The following SESTD1 variants were observed in gnomAD, a reference collection of about 807,000 sequenced individuals.
SESTD1 encodes SEC14 and spectrin domain containing 1.
SESTD1 carries 43 observed loss-of-function variants against 101.7 expected under a neutral mutation model. The ratio of observed to expected loss-of-function variants is 0.42; its 90% CI spans 0.33 to 0.55. SESTD1 has a LOEUF of 0.55. SESTD1 is among the 20% of genes least tolerant of loss of function. The pLI, the probability that SESTD1 is intolerant of heterozygous loss-of-function variation, is 0.07. For synonymous variants in SESTD1, 283 were observed against 286.8 expected (o/e 0.99, Z 0.13); for missense variants, 647 against 815.1 (o/e 0.79, Z 2.51).
intron 2 of SESTD1, among the ~76,000 whole-genome samples, chr2:179,185,454 GTAT>G: frequency 7.1e-6 from 1 of 140,274 alleles, no homozygotes; most frequent in African/African-American, 2.6e-5. Flanking sequence ...GTAATATATA[GTAT>G]ATGATATACT....
intron 9 of SESTD1, among the ~76,000 whole-genome samples, chr2:179,139,224 A>T (rs1414420948): frequency 1.3e-5 from 2 of 152,110 alleles, no homozygotes; most frequent in African/African-American, 4.8e-5. Context: ...CCTCCACTCT[A>T]TTCAAACCAC....
chr2:179,149,093 G>T (rs1007700932), intron 7 of SESTD1, among the ~76,000 whole-genome samples: 1 of 126,738 alleles, frequency 7.9e-6, no homozygotes, highest in African/African-American at 2.8e-5. Flanking sequence ...AAAAAAAAAG[G>T]CTTTTGTGAA....
At chr2:179,226,205 T>A (rs1036635829) in intron 1 of SESTD1, among the ~76,000 whole-genome samples, 4 of 152,200 alleles carry the variant, frequency 2.6e-5, no homozygotes, top group African/African-American at 9.6e-5. Context: ...CTACACATAC[T>A]CTTAAAATAT....
In SESTD1 at chr2:179,206,695, G is replaced by A. The variant is rs533671949; in HGVS notation, c.-25-14829C>T. Reference sequence around the variant, plus strand: ...AATCCAGGGAGTAGGGGGCAAATGGGAAGTGCAGATACAAGCACAGAAGCC... The same window carrying A: ...AATCCAGGGAGTAGGGGGCAAATGGAAAGTGCAGATACAAGCACAGAAGCC... On this transcript the variant is annotated intron_variant, in intron 1 of 17. Coordinates refer to ENST00000428443, the MANE Select transcript of SESTD1 (RefSeq NM_178123.5). Among the ~76,000 whole-genome samples, 2 of 135,324 alleles carry A rather than the reference G, an allele frequency of 1.5e-5. 1 individual carries two copies. Among genetic ancestry groups the A allele is most frequent in the African/African-American group, 5.8e-5 (2 of 34,326 alleles). The allele number at this position is 135,324 out of a possible 152,430, so 88.8% of individuals were successfully genotyped here. A position where few individuals can be genotyped will look rare whatever the true frequency, so the allele number is the denominator to read the frequency against.
intron 10 of SESTD1, among the ~76,000 whole-genome samples, chr2:179,130,509 T>C (rs191866873): frequency 2.0e-3 from 305 of 152,226 alleles, no homozygotes; most frequent in Admixed American, 4.7e-3. Context: ...ATCTGCAATT[T>C]CATCCATACT....
chr2:179,135,805 C>G (rs1284534253), intron 9 of SESTD1, among the ~76,000 whole-genome samples: 2 of 152,110 alleles, frequency 1.3e-5, no homozygotes, highest in Admixed American at 6.5e-5. Flanking sequence ...ACAAAAAAGT[C>G]AAAGTATTAT....
intron 1 of SESTD1, among the ~76,000 whole-genome samples, chr2:179,223,771 G>T (rs915362180): frequency 6.6e-6 from 1 of 152,132 alleles, no homozygotes; most frequent in East Asian, 1.9e-4. Flanking sequence ...GAGAGTATAA[G>T]CAGTATTGTT....
intron 5 of SESTD1, among the ~76,000 whole-genome samples, chr2:179,157,990 G>A (rs1023099302): frequency 6.6e-6 from 1 of 152,040 alleles, no homozygotes; most frequent in Non-Finnish European, 1.5e-5. Context: ...GAGGGCCAAA[G>A]GCTTTACTAG....
At chr2:179,133,276 T>C (rs1335555144) in intron 9 of SESTD1, among the ~76,000 whole-genome samples, 2 of 152,088 alleles carry the variant, frequency 1.3e-5, no homozygotes, top group Non-Finnish European at 2.9e-5. Context: ...GTCACTAAAC[T>C]CAAGGATCCC....
In SESTD1 at chr2:179,104,210, G is replaced by T. The variant is rs370485142; in HGVS notation, c.*5689C>A. ...CTCTTAAAGGCTTCTGAGACTATTC[G>T]TAAGTGTGATGTGAGCAATCAGTTC... On this transcript the variant is annotated 3_prime_UTR_variant, in exon 18 of 18. Coordinates refer to ENST00000428443, the MANE Select transcript of SESTD1 (RefSeq NM_178123.5). 1 of 152,014 alleles carries T rather than the reference G, an allele frequency of 6.6e-6. No homozygotes were observed. Among genetic ancestry groups the T allele is most frequent in the African/African-American group, 2.4e-5 (1 of 41,384 alleles). 9.4% of individuals were successfully genotyped at this position (152,014 alleles called of 1,614,324 possible). A position where few individuals can be genotyped will look rare whatever the true frequency, so the allele number is the denominator to read the frequency against.
chr2:179,180,714 T>TAG (rs2046093678), intron 3 of SESTD1, among the ~76,000 whole-genome samples: 1 of 152,196 alleles, frequency 6.6e-6, no homozygotes, highest in South Asian at 2.1e-4. Flanking sequence ...GTTGGGGGGT[T>TAG]ACGTTTTAAA....
At chr2:179,148,687 A>G (rs1347805438) in intron 7 of SESTD1, among the ~76,000 whole-genome samples, 2 of 152,244 alleles carry the variant, frequency 1.3e-5, no homozygotes, top group Admixed American at 1.3e-4. Context: ...AACTCTAAAA[A>G]GGTAGAAAAG....
At chr2:179,145,222 CTTGA>C (rs1275000562) in intron 8 of SESTD1, among the ~76,000 whole-genome samples, 3 of 151,924 alleles carry the variant, frequency 2.0e-5, no homozygotes, top group Admixed American at 6.6e-5. Context: ...AATTGTCACC[CTTGA>C]TTATTTTTCT....
intron 9 of SESTD1, among the ~76,000 whole-genome samples, chr2:179,133,441 T>A (rs147624918): frequency 1.6e-4 from 24 of 152,200 alleles, no homozygotes; most frequent in Admixed American, 3.9e-4. Flanking sequence ...TAAGCAAAGA[T>A]CAAGTTCTCA....
intron 5 of SESTD1, among the ~76,000 whole-genome samples, chr2:179,165,857 T>C (rs1210766284): frequency 6.6e-6 from 1 of 152,158 alleles, no homozygotes; most frequent in East Asian, 1.9e-4. Context: ...TGGCATCTAC[T>C]TAGGATGTAG....
intron 1 of SESTD1, among the ~76,000 whole-genome samples, chr2:179,223,897 A>G (rs948130270): frequency 6.6e-6 from 1 of 152,232 alleles, no homozygotes; most frequent in Non-Finnish European, 1.5e-5. Context: ...TAAAGGTCTT[A>G]TATCTTAGGG....
At chr2:179,255,230 A>C (rs1178173052) in intron 1 of SESTD1, among the ~76,000 whole-genome samples, 1 of 152,154 alleles carries the variant, frequency 6.6e-6, no homozygotes, top group African/African-American at 2.4e-5. Context: ...CACATTTCTC[A>C]CTTTAAATGA....
chr2:179,143,877 C>G, intron 8 of SESTD1, 74 bp from the exon 9 acceptor site: 1 of 1,490,606 alleles, frequency 6.7e-7, no homozygotes, highest in Non-Finnish European at 9.0e-7. Flanking sequence ...ATTCCCAATT[C>G]TAGTCCCTTG....
intron 17 of SESTD1, 44 bp from the exon 18 acceptor site, chr2:179,110,072 C>T: frequency 6.3e-7 from 1 of 1,599,452 alleles, no homozygotes; most frequent in Non-Finnish European, 8.5e-7. Flanking sequence ...TAATACAAAT[C>T]TATTAACTGC....
Sources: gnomAD v4.1 joint callset for allele counts (sites outside exome capture counted in the v4.1 genomes callset) on GRCh38, gnomAD v4.1.1 for gene constraint, MANE v1.5 for transcripts, NCBI Gene and HGNC (gene_info 2026-07-23, HGNC 2026-07-21) for gene names.